The following NINL variants were observed in gnomAD, a reference collection of about 807,000 sequenced individuals.
The protein encoded by NINL is ninein like.
NINL carries 153 observed loss-of-function variants against 160.3 expected under a neutral mutation model. That is an observed-to-expected ratio of 0.95 (90% CI 0.84 to 1.09). The LOEUF (loss-of-function observed/expected upper bound fraction) is 1.09, where lower values mean the gene tolerates loss of function less well. NINL is among the 50% of genes least tolerant of loss of function. The pLI, the probability that NINL is intolerant of heterozygous loss-of-function variation, is 0.00. For synonymous variants in NINL, 800 were observed against 734.8 expected, an observed-to-expected ratio of 1.09 and a Z score of -1.43; for missense variants, 1,829 against 1,764.0, an observed-to-expected ratio of 1.04 and a Z score of -0.66.
At chr20:25,545,183 T>C (rs1238137337) in intron 1 of NINL, among the ~76,000 whole-genome samples, 1 of 152,184 alleles carries the variant, frequency 6.6e-6, no homozygotes, top group African/African-American at 2.4e-5. Context: ...AGGGAATGGT[T>C]CTATTCCCAT....
chr20:25,458,533 C>T lies in NINL; in HGVS notation c.3697-4G>A. On this transcript the variant is annotated splice_polypyrimidine_tract_variant and splice_region_variant and intron_variant, in intron 21 of 23. Coordinates refer to ENST00000278886, the MANE Select transcript of NINL (RefSeq NM_025176.6). ...GCCTCAGGTGAGCTCCCTGCACCTG[C>T]ATGGGGAAGGGGAGACAGCTCTGGT... 6.3e-7 allele frequency: 1 copy of T among 1,587,340 alleles called. No homozygotes were observed. Among genetic ancestry groups the T allele is most frequent in the Non-Finnish European group, 8.5e-7 (1 of 1,173,248 alleles).
At chr20:25,537,991 C>T (rs897651892) in intron 1 of NINL, among the ~76,000 whole-genome samples, 4 of 152,202 alleles carry the variant, frequency 2.6e-5, no homozygotes, top group South Asian at 2.1e-4. Context: ...GCGGTATCCA[C>T]GGGACCAACA....
rs761818816 is a variant in NINL at position 25,476,337 on chromosome 20, C to G, written c.2954G>C (p.Ser985Thr). 1 of 1,612,682 alleles carries G rather than the reference C, an allele frequency of 6.2e-7. No homozygotes were observed. The highest frequency in any genetic ancestry group is 1.1e-5 in the South Asian group (1 of 91,084). The change falls in exon 17 of 24, where the codon AGC (serine) becomes ACC (threonine). Residue 985 changes from serine (S) to threonine (T), a missense_variant. Physicochemically the swap from Ser to Thr is moderately conservative, Grantham distance 58. Coordinates refer to ENST00000278886, the MANE Select transcript of NINL (RefSeq NM_025176.6). ...LQAIQEERAR[S>T]WSRGTQEQAS... is the part of the protein sequence containing the mutation. ...CTGCTCCTGGGTGCCCCTGCTCCAG[C>G]TTCGTGCTCGCTCTTCCTGAATGGC...
chr20:25,477,097 A>C lies in NINL; in HGVS notation c.2202-8T>G, dbSNP rs749585220. The C allele has an allele frequency of 6.3e-7, 1 of 1,584,962 alleles. No individual in the cohort carries two copies. Among genetic ancestry groups the C allele is most frequent in the South Asian group, 1.1e-5 (1 of 88,260 alleles). On this transcript the variant is annotated splice_polypyrimidine_tract_variant and splice_region_variant and intron_variant, in intron 16 of 23. Transcript: ENST00000278886. ...TCCGCCTCAGCCTCTCTCCTGTGGA[A>C]GTAGAACCGTCACACACCACAGCCC...
chr20:25,517,320 G>A (rs917586011), intron 3 of NINL, among the ~76,000 whole-genome samples: 1 of 152,150 alleles, frequency 6.6e-6, no homozygotes, highest in African/African-American at 2.4e-5. Context: ...CAAGAAGCAG[G>A]CCACCACTAC....
At chr20:25,572,569 C>T (rs931826593) in intron 1 of NINL, among the ~76,000 whole-genome samples, 1 of 152,174 alleles carries the variant, frequency 6.6e-6, no homozygotes, top group Non-Finnish European at 1.5e-5. Flanking sequence ...ACAGAAGAGG[C>T]TAAGCAATTT....
chr20:25,496,443 G>A (rs1307885151), intron 10 of NINL, among the ~76,000 whole-genome samples: 6 of 152,212 alleles, frequency 3.9e-5, no homozygotes, highest in South Asian at 2.1e-4. Flanking sequence ...CCATGGGGAC[G>A]TAGCCAGGGC....
intron 2 of NINL, among the ~76,000 whole-genome samples, chr20:25,518,553 C>A (rs2064204117): frequency 6.6e-6 from 1 of 151,996 alleles, no homozygotes; most frequent in African/African-American, 2.4e-5. Context: ...TTTTTCATTC[C>A]AATTTTTAAT....
At chr20:25,490,160 C>G (rs1051395653) in intron 11 of NINL, among the ~76,000 whole-genome samples, 175 bp from the exon 12 acceptor site, 1 of 152,244 alleles carries the variant, frequency 6.6e-6, no homozygotes, top group Non-Finnish European at 1.5e-5. Flanking sequence ...GTCCCCCACC[C>G]TCCCAGGACA....
chr20:25,464,651 G>A (rs967013531), intron 19 of NINL, among the ~76,000 whole-genome samples: 3 of 152,086 alleles, frequency 2.0e-5, no homozygotes, highest in African/African-American at 2.4e-5. Context: ...CAGCTCTCAC[G>A]CGGCTGCTGT....
rs570206023 is a variant in NINL, at chr20:25,507,228, G to A, written c.518-2150C>T. ...CCTGAAAACCTGAGTTAGCATCAAA[G>A]TCTAGTTTGCTGCAGCCTCAACATT... On this transcript the variant is annotated intron_variant, in intron 5 of 23. Coordinates refer to ENST00000278886, the MANE Select transcript of NINL (RefSeq NM_025176.6). Among the ~76,000 whole-genome samples the A allele has an allele frequency of 2.6e-3, 394 of 148,920 alleles. 2 individuals carry two copies. Among genetic ancestry groups the A allele is most frequent in the African/African-American group, 9.7e-3 (377 of 38,890 alleles).
At chr20:25,576,981 G>C (rs563036185) in intron 1 of NINL, among the ~76,000 whole-genome samples, 149 of 152,214 alleles carry the variant, frequency 9.8e-4, no homozygotes, top group Non-Finnish European at 1.9e-3. Context: ...GTCCACTTCA[G>C]ACCTGCCCCT....
Position 25,453,492 on chromosome 20 carries a change from T to C in NINL, c.4108A>G (p.Lys1370Glu). The C allele has an allele frequency of 6.2e-7, 1 of 1,613,832 alleles. No individual in the cohort carries two copies. Residue 1370 changes from lysine (K) to glutamate (E), a missense_variant, in exon 24 of 24, where the codon AAA (lysine) becomes GAA (glutamate). Physicochemically the swap from Lys to Glu is moderately conservative, Grantham distance 56. Transcript: ENST00000278886. Reference protein sequence around the residue: ...LLEEKVRALNKLVSRIAPAAL... With the variant: ...LLEEKVRALNELVSRIAPAAL... ...GCGGGGGCAATCCTACTGACGAGTT[T>C]GTTGAGAGCGCGAACTTTTTCTTCC...
At position 25,498,337 on chromosome 20, in the gene NINL, A is replaced by C. The variant is rs1202804602; in HGVS notation, c.1042T>G (p.Phe348Val). ...NGREILQSLDFSVDEKVNLLE... is the reference protein window; with the variant it reads ...NGREILQSLDVSVDEKVNLLE... ...AGGTTCACCTTCTCGTCCACGCTGA[A>C]GTCCAGGCTCTGGAAGCAGCAAGCC... The change falls in exon 9 of 24, where the codon TTC (phenylalanine) becomes GTC (valine). Residue 348 changes from phenylalanine (F) to valine (V), a missense_variant. Transcript: ENST00000278886. 13 of 1,612,830 alleles carry C rather than the reference A, an allele frequency of 8.1e-6. No individual in the cohort carries two copies. Among genetic ancestry groups the C allele is most frequent in the Non-Finnish European group, 1.1e-5 (13 of 1,179,982 alleles).
intron 21 of NINL, among the ~76,000 whole-genome samples, chr20:25,459,647 C>G (rs1324881821): frequency 6.6e-6 from 1 of 152,156 alleles, no homozygotes; most frequent in Non-Finnish European, 1.5e-5. Flanking sequence ...CCCCAACTCC[C>G]TGGGCTCTGA....
intron 1 of NINL, among the ~76,000 whole-genome samples, chr20:25,531,927 A>G (rs2064471405): frequency 1.3e-5 from 2 of 152,144 alleles, no homozygotes; most frequent in African/African-American, 4.8e-5. Context: ...TTTTTACTAC[A>G]CAGGGGAAGG....
rs41274448 is a variant in NINL, at chr20:25,498,146, C to A, written c.1169+64G>T. The A allele has an allele frequency of 1.3e-3, 2,098 of 1,587,152 alleles. 34 individuals are homozygous for A. The African/African-American group carries it at 0.025, about 19-fold the overall frequency. On this transcript the variant is annotated intron_variant, in intron 9 of 23. Transcript: ENST00000278886. ...TGACTGGTGTCCTTTGTGTCCCAGACCCCCCTCCAGGCCCACCTGGCCAGC... is the reference window on the plus strand; with the variant it reads ...TGACTGGTGTCCTTTGTGTCCCAGAACCCCCTCCAGGCCCACCTGGCCAGC...
At chr20:25,496,384 T>C (rs1236878260) in intron 10 of NINL, among the ~76,000 whole-genome samples, 1 of 152,156 alleles carries the variant, frequency 6.6e-6, no homozygotes, top group Non-Finnish European at 1.5e-5. Context: ...GCTTGGCTTA[T>C]GTGAGAAGAG....
chr20:25,467,384 G>A lies in NINL; in HGVS notation c.3423+5C>T, dbSNP rs115988600. On this transcript the variant is annotated splice_donor_5th_base_variant and intron_variant, in intron 19 of 23. Transcript: ENST00000278886. The stretch of plus-strand genomic sequence containing the variant: ...TGAGCTCCATGCCAGGCGTCGATAC[G>A]TCACCTGTCTGTTGAGCACCTCCAT... 3.3e-3 allele frequency: 5,376 copies of A among 1,610,406 alleles called. 87 individuals are homozygous for A. In the African/African-American group the frequency reaches 0.045, roughly 13 times the overall value.
Sources: allele counts gnomAD v4.1 joint callset (sites outside exome capture counted in the v4.1 genomes callset), GRCh38; gene constraint gnomAD v4.1.1; transcripts MANE v1.5; gene names NCBI Gene and HGNC (gene_info 2026-07-23, HGNC 2026-07-21).